The following FAM20A variants were observed in gnomAD, a reference collection of about 807,000 sequenced individuals.
FAM20A encodes FAM20A golgi associated secretory pathway pseudokinase, also known as pseudokinase FAM20A.
Under a neutral mutation model 52.0 loss-of-function variants are expected in FAM20A, and 42 were observed. That is an observed-to-expected ratio of 0.81 (90% confidence interval 0.63 to 1.04). The LOEUF (loss-of-function observed/expected upper bound fraction) is 1.04, where lower values mean the gene tolerates loss of function less well. FAM20A is among the 50% of genes least tolerant of loss of function. The pLI is 0.00. For synonymous variants in FAM20A, 304 were observed against 298.9 expected, an observed-to-expected ratio of 1.02 and a Z score of -0.18; for missense variants, 742 against 712.7, an observed-to-expected ratio of 1.04 and a Z score of -0.47.
intron 1 of FAM20A, among the ~76,000 whole-genome samples, chr17:68,576,154 A>G (rs1002200835): frequency 1.3e-5 from 2 of 151,932 alleles, no homozygotes; most frequent in Non-Finnish European, 2.9e-5. Context: ...GGCTCTCTAG[A>G]CCCTGCCCCC....
intron 1 of FAM20A, among the ~76,000 whole-genome samples, chr17:68,560,343 CAA>C (rs59192235): frequency 1.3e-3 from 136 of 108,256 alleles, no homozygotes; most frequent in East Asian, 2.3e-3. Context: ...AACTCCATCT[CAA>C]AAAAAAAAAA....
Position 68,542,787 on chromosome 17 carries a change from G to C in FAM20A, c.835C>G (p.Pro279Ala). The C allele has an allele frequency of 6.2e-7, 1 of 1,613,984 alleles. No homozygotes were observed. The highest frequency in any genetic ancestry group is 8.5e-7 in the Non-Finnish European group (1 of 1,179,886). The change falls in exon 6 of 11, where the codon CCG (proline) becomes GCG (alanine). Residue 279 changes from proline to alanine, a missense_variant. Transcript: ENST00000592554. Reference protein sequence around the residue: ...LDRILDFRRVPPTVGRIVNVT... With the variant: ...LDRILDFRRVAPTVGRIVNVT... ...TTTACTATCCTCCCCACTGTTGGCGGCACCCGTCGGAAGTCCAGAATCCTG... is the reference window on the plus strand; with the variant it reads ...TTTACTATCCTCCCCACTGTTGGCGCCACCCGTCGGAAGTCCAGAATCCTG...
At chr17:68,543,920 C>T (rs1320188907) in intron 4 of FAM20A, among the ~76,000 whole-genome samples, 199 bp from the exon 5 acceptor site, 1 of 152,182 alleles carries the variant, frequency 6.6e-6, no homozygotes, top group Non-Finnish European at 1.5e-5. Flanking sequence ...AGGAGACAGG[C>T]TTCTTGCAAG....
intron 1 of FAM20A, among the ~76,000 whole-genome samples, chr17:68,594,865 G>C (rs2088411246): frequency 6.6e-6 from 1 of 152,176 alleles, no homozygotes; most frequent in Admixed American, 6.5e-5. Flanking sequence ...TCATGGATTA[G>C]GTCACGCTAA....
intron 9 of FAM20A, 48 bp from the exon 10 acceptor site, chr17:68,539,444 A>C: frequency 6.5e-7 from 1 of 1,549,254 alleles, no homozygotes; most frequent in Non-Finnish European, 8.9e-7. Context: ...CATCCTTTGC[A>C]TTCCCCTGAG....
intron 1 of FAM20A, among the ~76,000 whole-genome samples, chr17:68,592,488 T>C (rs1245323716): frequency 1.3e-5 from 2 of 152,212 alleles, no homozygotes; most frequent in African/African-American, 4.8e-5. Context: ...GTTGGTATCA[T>C]CAAAAAGATT....
intron 1 of FAM20A, among the ~76,000 whole-genome samples, chr17:68,575,709 ATTATATATTTTATATT>A (rs1350615121): frequency 0.021 from 2,535 of 123,398 alleles, 37 homozygotes; most frequent in Middle Eastern, 0.054. Context: ...TATATTATAT[ATTATATATTTTATATT>A]TTATATATTA....
At chr17:68,586,056 C>T (rs1396460601) in intron 1 of FAM20A, among the ~76,000 whole-genome samples, 1 of 152,186 alleles carries the variant, frequency 6.6e-6, no homozygotes, top group Non-Finnish European at 1.5e-5. Flanking sequence ...GGCTCCTCCC[C>T]ACCAAGCAGG....
chr17:68,562,347 G>C (rs1333572127), intron 1 of FAM20A, among the ~76,000 whole-genome samples: 1 of 152,196 alleles, frequency 6.6e-6, no homozygotes, highest in African/African-American at 2.4e-5. Context: ...TCTAATTTCA[G>C]AACAGTGTAG....
At chr17:68,570,985 C>G (rs906203290) in intron 1 of FAM20A, among the ~76,000 whole-genome samples, 1 of 152,146 alleles carries the variant, frequency 6.6e-6, no homozygotes, top group Non-Finnish European at 1.5e-5. Context: ...CTAGGAGGCA[C>G]TGTGTCAGAT....
chr17:68,570,661 CG>C (rs2143794342), intron 1 of FAM20A, among the ~76,000 whole-genome samples: 1 of 152,218 alleles, frequency 6.6e-6, no homozygotes, highest in African/African-American at 2.4e-5. Context: ...TAGGATGAAC[CG>C]AAATGATAAT....
chr17:68,577,176 A>G (rs1277018621), intron 1 of FAM20A, among the ~76,000 whole-genome samples: 1 of 152,246 alleles, frequency 6.6e-6, no homozygotes, highest in Non-Finnish European at 1.5e-5. Context: ...AAAGACAGTC[A>G]AGGCTTGCAG....
At chr17:68,545,332 G>A (rs2086498590) in intron 4 of FAM20A, among the ~76,000 whole-genome samples, 1 of 152,166 alleles carries the variant, frequency 6.6e-6, no homozygotes, top group Non-Finnish European at 1.5e-5. Flanking sequence ...GATATTGCAG[G>A]TTTGCTTCTA....
At chr17:68,547,940 A>G (rs1176375631) in intron 4 of FAM20A, among the ~76,000 whole-genome samples, 1 of 152,152 alleles carries the variant, frequency 6.6e-6, no homozygotes, top group Non-Finnish European at 1.5e-5. Context: ...CTCGCTTCCC[A>G]TTTAAAGTGA....
chr17:68,583,801 G>C (rs145621241), intron 1 of FAM20A, among the ~76,000 whole-genome samples: 2 of 152,290 alleles, frequency 1.3e-5, no homozygotes, highest in African/African-American at 2.4e-5. Context: ...TACTTGGGAG[G>C]CTGAGGCAGG....
intron 1 of FAM20A, among the ~76,000 whole-genome samples, chr17:68,556,167 T>G (rs979232838): frequency 6.6e-6 from 1 of 151,966 alleles, no homozygotes; most frequent in Non-Finnish European, 1.5e-5. Context: ...TTCCAAAGAA[T>G]CAGAAGATAG....
chr17:68,568,901 G>T (rs998730546), intron 1 of FAM20A, among the ~76,000 whole-genome samples: 1 of 151,708 alleles, frequency 6.6e-6, no homozygotes, highest in Non-Finnish European at 1.5e-5. Context: ...ATATATTTTG[G>T]GTAGGGGTGG....
Position 68,542,717 on chromosome 17 carries a change from T to C in FAM20A, c.905A>G (p.Gln302Arg). The change falls in exon 6 of 11, where the codon CAG becomes CGG. Residue 302 changes from glutamine (Q) to arginine (R), a missense_variant. Coordinates refer to ENST00000592554, the MANE Select transcript of FAM20A (RefSeq NM_017565.4). The part of the protein sequence containing the change: ...ILEVTKNEIL[Q>R]SVFFVSPASN... ...ACCTGGAGAGACAAAGAAAACACTC[T>C]GCAGGATTTCATTCTTGGTGACCTC... 1.2e-6 allele frequency: 2 copies of C among 1,613,986 alleles called. No individual in the cohort carries two copies. Among genetic ancestry groups the C allele is most frequent in the Non-Finnish European group, 1.7e-6 (2 of 1,179,876 alleles).
rs1568712922 is a variant in FAM20A at position 68,536,215 on chromosome 17, C to CT, written c.*1261dup. 1 of 454,098 alleles carries CT rather than the reference C, an allele frequency of 2.2e-6. No individual in the cohort carries two copies. The highest frequency in any genetic ancestry group is 2.3e-5 in the Admixed American group (1 of 42,574). 28.1% of individuals were successfully genotyped at this position (454,098 alleles called of 1,614,324 possible). On this transcript the variant is annotated 3_prime_UTR_variant, in exon 11 of 11. Coordinates refer to ENST00000592554, the MANE Select transcript of FAM20A (RefSeq NM_017565.4). ...CATTTCTGGTTCTTGACCTTGTACT[C>CT]TCTTTAGTGACAGCTCCATTCTATT...
Sources: gnomAD v4.1 joint callset for allele counts (sites outside exome capture counted in the v4.1 genomes callset) on GRCh38, gnomAD v4.1.1 for gene constraint, MANE v1.5 for transcripts, NCBI Gene and HGNC (gene_info 2026-07-23, HGNC 2026-07-21) for gene names.